ACLY: variants seen among roughly 807,000 people sequenced by gnomAD.
ACLY encodes the protein ATP citrate lyase.
In ACLY, 41 loss-of-function variants were observed where a neutral mutation model predicts 133.0. The observed-to-expected ratio is 0.31, with a 90% CI of 0.24 to 0.40. ACLY has a LOEUF of 0.40. Among genes scored for constraint, ACLY ranks in the 10% least tolerant of loss-of-function variants. The probability of loss-of-function intolerance (pLI) is 1.00; values close to 1 mark genes in which losing one functional copy is unlikely to be tolerated. For missense variants in ACLY, 1,046 were observed against 1,453.8 expected, an observed-to-expected ratio of 0.72 and a Z score of 4.56; for synonymous variants, 495 against 549.3, an observed-to-expected ratio of 0.90 and a Z score of 1.38.
intron 8 of ACLY, 44 bp from the exon 9 acceptor site, chr17:41,905,702 C>T: frequency 6.2e-7 from 1 of 1,612,982 alleles, no homozygotes; most frequent in South Asian, 1.1e-5. Flanking sequence ...ACACTTGGGG[C>T]AGGGAGTGGC....
intron 11 of ACLY, among the ~76,000 whole-genome samples, chr17:41,899,510 C>T (rs1261105684): frequency 6.6e-6 from 1 of 152,068 alleles, no homozygotes; most frequent in African/African-American, 2.4e-5. Flanking sequence ...TGGAGCTTCA[C>T]CTGGCTGCTC....
chr17:41,882,125 T>C (rs1038440742), intron 20 of ACLY, among the ~76,000 whole-genome samples: 4 of 151,796 alleles, frequency 2.6e-5, no homozygotes, highest in Non-Finnish European at 5.9e-5. Flanking sequence ...TCCCAGCGCT[T>C]TGGGAGGATG....
At position 41,892,944 on chromosome 17, in the gene ACLY, G is replaced by A. The variant is rs145679386; in HGVS notation, c.1601+89C>T. On this transcript the variant is annotated intron_variant, in intron 15 of 28. Coordinates refer to ENST00000352035, the MANE Select transcript of ACLY (RefSeq NM_001096.3). Reference sequence around the variant, plus strand: ...TTCTCCCACCTCGACCTCCCAAAGCGCTAGGATTACAGGCATGAGCCACTG... The same window carrying A: ...TTCTCCCACCTCGACCTCCCAAAGCACTAGGATTACAGGCATGAGCCACTG... The A allele has an allele frequency of 9.0e-4, 1,356 of 1,509,028 alleles. 5 individuals carry two copies. In the African/African-American group the frequency reaches 0.014, roughly 16 times the overall value. The allele number at this position is 1,509,028 out of a possible 1,614,324, so 93.5% of individuals were successfully genotyped here.
intron 11 of ACLY, among the ~76,000 whole-genome samples, chr17:41,901,250 GATC>G (rs1339128400): frequency 6.6e-6 from 1 of 151,848 alleles, no homozygotes; most frequent in Non-Finnish European, 1.5e-5. Context: ...GCCCAGCCTT[GATC>G]AAGTTTGATC....
chr17:41,919,069 C>A, upstream of ACLY: 2 of 1,238,530 alleles, frequency 1.6e-6, no homozygotes, highest in Non-Finnish European at 2.1e-6. Context: ...CTAGCCTGAG[C>A]GCCAGGGCTC....
At chr17:41,930,526 G>C in exon 1 of ACLY, 1 of 546,262 alleles carries the variant, frequency 1.8e-6, no homozygotes, top group South Asian at 2.1e-5. Flanking sequence ...TCACTCCCTG[G>C]CCCAGTGCGC....
chr17:41,870,363 C>A (rs2048567536), intron 25 of ACLY: 1 of 152,230 alleles, frequency 6.6e-6, no homozygotes, highest in Non-Finnish European at 1.5e-5. Flanking sequence ...ACCTTCCCTG[C>A]TTGGTTCTGA....
At chr17:41,897,952 C>A (rs2049421254) in intron 12 of ACLY, 113 bp from the exon 13 acceptor site, 1 of 868,012 alleles carries the variant, frequency 1.2e-6, no homozygotes, top group South Asian at 1.8e-5. Flanking sequence ...CACAGCAATG[C>A]TCTTTATAAG....
intron 8 of ACLY, among the ~76,000 whole-genome samples, chr17:41,906,142 A>G (rs782119055): frequency 6.6e-5 from 10 of 152,218 alleles, no homozygotes; most frequent in Non-Finnish European, 1.3e-4. Context: ...AATATTCTAT[A>G]AAGCAAAGAG....
At position 41,896,663 on chromosome 17, in the gene ACLY, T is replaced by C. The variant is rs782265458; in HGVS notation, c.1430-14A>G. 2.6e-6 allele frequency: 4 copies of C among 1,568,492 alleles called. No homozygotes were observed. Among genetic ancestry groups the C allele is most frequent in the Non-Finnish European group, 3.5e-6 (4 of 1,155,104 alleles). Reference sequence around the variant, plus strand: ...TTGGGACTGAATCTGTCAAAGAAAATGACCAAGGCAACTGAGTGACCCACT... The same window carrying C: ...TTGGGACTGAATCTGTCAAAGAAAACGACCAAGGCAACTGAGTGACCCACT... On this transcript the variant is annotated splice_polypyrimidine_tract_variant and intron_variant, in intron 13 of 28. Coordinates refer to ENST00000352035, the MANE Select transcript of ACLY (RefSeq NM_001096.3).
At chr17:41,929,828 T>A (rs1403131852) in intron 1 of ACLY, among the ~76,000 whole-genome samples, 2 of 152,160 alleles carry the variant, frequency 1.3e-5, no homozygotes, top group East Asian at 3.8e-4. Flanking sequence ...TACAATCCAC[T>A]GATCTTACTC....
chr17:41,925,691 A>G (rs1248936147), intron 1 of ACLY, among the ~76,000 whole-genome samples: 2 of 152,140 alleles, frequency 1.3e-5, no homozygotes, highest in Non-Finnish European at 2.9e-5. Flanking sequence ...AGACCCACTT[A>G]GAAGGATGTT....
Position 41,904,581 on chromosome 17 carries a change from C to T in ACLY, c.1065+148G>A, listed in dbSNP as rs182329707. ...CTCCTGTCCCAGTGTCTTCTCCACC[C>T]CTTTAAGAGACCCTGGGGCAAGAGC... is the stretch of plus-strand genomic sequence containing the variant. On this transcript the variant is annotated intron_variant, in intron 10 of 28. Coordinates refer to ENST00000352035, the MANE Select transcript of ACLY (RefSeq NM_001096.3). 137 of 696,528 alleles carry T rather than the reference C, an allele frequency of 2.0e-4. 1 individual carries two copies. The African/African-American group carries it at 2.4e-3, about 12-fold the overall frequency. 43.1% of individuals were successfully genotyped at this position (696,528 alleles called of 1,614,324 possible).
intron 13 of ACLY, among the ~76,000 whole-genome samples, chr17:41,897,081 G>T (rs2049389247): frequency 6.6e-6 from 1 of 152,216 alleles, no homozygotes; most frequent in African/African-American, 2.4e-5. Context: ...CATGGACAAG[G>T]ATGCTGATTT....
At chr17:41,875,201 T>G (rs868942381) in intron 22 of ACLY, among the ~76,000 whole-genome samples, 106 of 151,934 alleles carry the variant, frequency 7.0e-4, no homozygotes, top group African/African-American at 2.5e-3. Context: ...ACTACAAAAA[T>G]TAGCTGGGCG....
At chr17:41,875,799 C>T (rs2048728729) in intron 22 of ACLY, among the ~76,000 whole-genome samples, 1 of 152,200 alleles carries the variant, frequency 6.6e-6, no homozygotes, top group Non-Finnish European at 1.5e-5. Context: ...CTACAACCTC[C>T]ACCTCCCGGC....
intron 13 of ACLY, among the ~76,000 whole-genome samples, chr17:41,897,201 G>T (rs949030390): frequency 6.6e-5 from 10 of 151,760 alleles, no homozygotes; most frequent in African/African-American, 1.9e-4. Context: ...AGAGCTGGCT[G>T]CAAGGGCTGG....
Position 41,898,798 on chromosome 17 carries a change from G to GA in ACLY, c.1184-14dup, listed in dbSNP as rs201327754. On this transcript the variant is annotated splice_polypyrimidine_tract_variant and intron_variant, in intron 11 of 28. Transcript: ENST00000352035. ...CCAGTGGTCTTCCCTGCAAGGGAAGGAAAAAAAAATCCATAATTCAAGTCT... is the reference window on the plus strand; with the variant it reads ...CCAGTGGTCTTCCCTGCAAGGGAAGGAAAAAAAAAATCCATAATTCAAGTCT... The GA allele has an allele frequency of 3.5e-4, 557 of 1,592,698 alleles. 4 individuals carry two copies. In the East Asian group the frequency reaches 6.8e-3, roughly 19 times the overall value.
intron 25 of ACLY, 138 bp from the exon 26 acceptor site, chr17:41,869,725 G>A: frequency 1.5e-6 from 1 of 645,276 alleles, no homozygotes; most frequent in Non-Finnish European, 2.7e-6. Context: ...ACCATTCCAT[G>A]TGGCACCAAT....
Sources: gnomAD v4.1 joint callset for allele counts (sites outside exome capture counted in the v4.1 genomes callset) on GRCh38, gnomAD v4.1.1 for gene constraint, MANE v1.5 for transcripts, NCBI Gene and HGNC (gene_info 2026-07-23, HGNC 2026-07-21) for gene names.